Variants in PDIA5 observed in about 807,000 individuals in gnomAD.
PDIA5 encodes protein disulfide-isomerase A5.
In PDIA5, 58 loss-of-function variants were observed where a neutral mutation model predicts 77.6. The ratio of observed to expected loss-of-function variants is 0.75; its 90% CI spans 0.61 to 0.93. PDIA5 has a LOEUF of 0.93. PDIA5 is among the 40% of genes least tolerant of loss of function. The probability of loss-of-function intolerance (pLI) is 0.00; values close to 1 mark genes in which losing one functional copy is unlikely to be tolerated. For missense variants in PDIA5, 630 were observed against 647.7 expected (o/e 0.97, Z 0.30); for synonymous variants, 250 against 252.1 (o/e 0.99, Z 0.08).
intron 14 of PDIA5, among the ~76,000 whole-genome samples, chr3:123,151,819 GCCTGCCTGCCTT>G (rs1935908247): frequency 9.1e-6 from 1 of 109,876 alleles, no homozygotes; most frequent in Non-Finnish European, 1.9e-5. Flanking sequence ...CTGCCTGCCT[GCCTGCCTGCCTT>G]CCTGCCTGCC....
chr3:123,101,526 C>G (rs931359029), intron 3 of PDIA5, among the ~76,000 whole-genome samples: 1 of 152,206 alleles, frequency 6.6e-6, no homozygotes. Context: ...CTGGCCCTTT[C>G]TCCTTTTGTC....
At position 123,106,788 on chromosome 3, in the gene PDIA5, C is replaced by A. The variant is rs1934744808; in HGVS notation, c.427C>A (p.Leu143Met). 1.2e-6 allele frequency: 2 copies of A among 1,612,872 alleles called. No individual in the cohort carries two copies. The highest frequency in any genetic ancestry group is 1.3e-5 in the African/African-American group (1 of 74,872). The change falls in exon 6 of 17, where the codon CTG becomes ATG. Residue 143 changes from leucine (L) to methionine (M), a missense_variant. Physicochemically the swap from Leu to Met is conservative, Grantham distance 15 (BLOSUM62 2). Transcript: ENST00000316218. ...TTTGAAGGATCCAAAAGGGCCCCCACTGTGGGAGGAAGATCCTGGAGCCAA... is the reference window on the plus strand; with the variant it reads ...TTTGAAGGATCCAAAAGGGCCCCCAATGTGGGAGGAAGATCCTGGAGCCAA... ...AFLKDPKGPP[L>M]WEEDPGAKDV...
intron 15 of PDIA5, among the ~76,000 whole-genome samples, chr3:123,159,070 A>G (rs1308382033): frequency 6.6e-6 from 1 of 152,268 alleles, no homozygotes; most frequent in South Asian, 2.1e-4. Context: ...GTAGATTTAT[A>G]AAACCATACA....
chr3:123,085,962 A>C (rs1934127359), intron 1 of PDIA5, among the ~76,000 whole-genome samples: 1 of 152,112 alleles, frequency 6.6e-6, no homozygotes, highest in Non-Finnish European at 1.5e-5. Flanking sequence ...AATAATAATA[A>C]AGTTTAGCAG....
chr3:123,102,417 A>G lies in PDIA5; in HGVS notation c.264A>G (p.Ala88=). ...CAACATTTGTGTCTTCCAGTGATGC[A>G]GAGAGTAGAAAATTGTGCAAGAAGA... ...GTICWVDCGD[A]ESRKLCKKMK... Residue 88 remains alanine, a synonymous_variant, in exon 4 of 17, where the codon GCA becomes GCG. Coordinates refer to ENST00000316218, the MANE Select transcript of PDIA5 (RefSeq NM_006810.4). 6.2e-7 allele frequency: 1 copy of G among 1,613,318 alleles called. No individual in the cohort carries two copies. Among genetic ancestry groups the G allele is most frequent in the Non-Finnish European group, 8.5e-7 (1 of 1,179,178 alleles).
chr3:123,091,790 A>G (rs1265140840), intron 2 of PDIA5, among the ~76,000 whole-genome samples: 4 of 152,198 alleles, frequency 2.6e-5, no homozygotes, highest in Non-Finnish European at 5.9e-5. Context: ...GCATTGGCCC[A>G]TCAGAGCCTA....
intron 5 of PDIA5, among the ~76,000 whole-genome samples, chr3:123,105,243 G>A (rs1236908681): frequency 1.3e-5 from 2 of 152,166 alleles, no homozygotes; most frequent in Admixed American, 6.5e-5. Context: ...GTTTTCACAT[G>A]AGTCTGGGGC....
intron 8 of PDIA5, among the ~76,000 whole-genome samples, chr3:123,123,343 G>A (rs960167057): frequency 6.6e-6 from 1 of 152,168 alleles, no homozygotes; most frequent in Non-Finnish European, 1.5e-5. Context: ...CAGGGATAGT[G>A]GACATGTGGA....
intron 10 of PDIA5, among the ~76,000 whole-genome samples, chr3:123,125,731 A>G (rs960979186): frequency 2.0e-5 from 3 of 151,954 alleles, no homozygotes; most frequent in African/African-American, 7.3e-5. Flanking sequence ...TGTTCTGCCT[A>G]CTCTCGGGAG....
chr3:123,159,526 G>A (rs1019419227), intron 15 of PDIA5, among the ~76,000 whole-genome samples: 38 of 152,182 alleles, frequency 2.5e-4, no homozygotes, highest in African/African-American at 8.9e-4. Context: ...CAGGGTAAGT[G>A]CCATCAAGTC....
intron 14 of PDIA5, among the ~76,000 whole-genome samples, chr3:123,152,660 C>T (rs1380066962): frequency 1.3e-5 from 2 of 152,182 alleles, no homozygotes; most frequent in East Asian, 3.8e-4. Context: ...CATACCCACA[C>T]GTTCCTGCTC....
intron 13 of PDIA5, among the ~76,000 whole-genome samples, chr3:123,149,310 A>G (rs966791262): frequency 4.6e-5 from 7 of 152,246 alleles, no homozygotes; most frequent in Admixed American, 1.3e-4. Context: ...CACTGGAGCC[A>G]TGCAGAGGAA....
intron 10 of PDIA5, 129 bp downstream of exon 10, chr3:123,124,472 C>T (rs1165487714): frequency 1.3e-6 from 1 of 745,656 alleles, no homozygotes; most frequent in Non-Finnish European, 2.4e-6. Flanking sequence ...GTACTGCCTA[C>T]ACAGCTGTCT....
At chr3:123,138,910 C>A (rs1576459991) in intron 11 of PDIA5, among the ~76,000 whole-genome samples, 1 of 152,130 alleles carries the variant, frequency 6.6e-6, no homozygotes, top group South Asian at 2.1e-4. Context: ...TTAATCTGGT[C>A]CTCTGGGAAA....
chr3:123,092,350 T>C lies in PDIA5; in HGVS notation c.170-5T>C. 1 of 1,612,612 alleles carries C rather than the reference T, an allele frequency of 6.2e-7. No individual in the cohort carries two copies. The highest frequency in any genetic ancestry group is 8.5e-7 in the Non-Finnish European group (1 of 1,178,828). Reference sequence around the variant, plus strand: ...GATGTTTAATTTTTTGTTTTTTTTTTACAGAGGTGGCAGCTGAAAATCATC... The same window carrying C: ...GATGTTTAATTTTTTGTTTTTTTTTCACAGAGGTGGCAGCTGAAAATCATC... On this transcript the variant is annotated splice_region_variant and splice_polypyrimidine_tract_variant and intron_variant, in intron 2 of 16. Coordinates refer to ENST00000316218, the MANE Select transcript of PDIA5 (RefSeq NM_006810.4).
chr3:123,094,377 G>A (rs973286051), intron 3 of PDIA5, among the ~76,000 whole-genome samples: 1 of 152,214 alleles, frequency 6.6e-6, no homozygotes, highest in African/African-American at 2.4e-5. Context: ...TCTTTCTGGA[G>A]TAGCCCAAGG....
intron 13 of PDIA5, 102 bp from the exon 14 acceptor site, chr3:123,150,132 A>G (rs1432439091): frequency 2.6e-6 from 2 of 780,136 alleles, no homozygotes; most frequent in African/African-American, 1.7e-5. Context: ...TGGTTTCTTC[A>G]TGCATGTTCC....
intron 10 of PDIA5, among the ~76,000 whole-genome samples, chr3:123,129,906 C>G (rs1935333930): frequency 6.6e-6 from 1 of 152,130 alleles, no homozygotes; most frequent in Non-Finnish European, 1.5e-5. Flanking sequence ...TAGGATACCC[C>G]CAGCCTTACT....
At chr3:123,124,376 G>A in intron 10 of PDIA5, 33 bp downstream of exon 10, 2 of 1,510,234 alleles carry the variant, frequency 1.3e-6, no homozygotes, top group Non-Finnish European at 1.8e-6. Flanking sequence ...AGTGGGCGTG[G>A]ACCCAGAGGG....
Sources: allele counts gnomAD v4.1 joint callset (sites outside exome capture counted in the v4.1 genomes callset), GRCh38; gene constraint gnomAD v4.1.1; transcripts MANE v1.5; gene names NCBI Gene and HGNC (gene_info 2026-07-23, HGNC 2026-07-21).